The following NRXN3 variants were observed in gnomAD, a reference collection of about 807,000 sequenced individuals.
NRXN3 encodes the protein neurexin III.
A neutral mutation model predicts 137.6 loss-of-function variants in NRXN3; 32 were observed. The ratio of observed to expected loss-of-function variants is 0.23; its 90% CI spans 0.18 to 0.31. NRXN3 has a LOEUF of 0.31. NRXN3 is among the 10% of genes least tolerant of loss of function. The probability of loss-of-function intolerance (pLI) is 1.00; values close to 1 mark genes in which losing one functional copy is unlikely to be tolerated. For synonymous variants in NRXN3, 798 were observed against 784.5 expected, an observed-to-expected ratio of 1.02 and a Z score of -0.29; for missense variants, 1,574 against 2,062.5, an observed-to-expected ratio of 0.76 and a Z score of 4.59.
intron 20 of NRXN3, among the ~76,000 whole-genome samples, chr14:79,827,125 G>A (rs1038678029): frequency 1.3e-5 from 2 of 152,114 alleles, no homozygotes; most frequent in African/African-American, 2.4e-5. Flanking sequence ...GCCTAGTGGG[G>A]GACACTGTCA....
intron 15 of NRXN3, among the ~76,000 whole-genome samples, chr14:79,124,308 C>G (rs1261240484): frequency 6.6e-6 from 1 of 152,146 alleles, no homozygotes; most frequent in Non-Finnish European, 1.5e-5. Flanking sequence ...CTGGCAAGGT[C>G]AGTAAGGGAG....
intron 15 of NRXN3, among the ~76,000 whole-genome samples, chr14:79,185,730 GC>G (rs1390380222): frequency 2.0e-5 from 3 of 152,268 alleles, no homozygotes; most frequent in African/African-American, 7.2e-5. Context: ...CTCCCAAAAT[GC>G]TGGGATTACA....
intron 15 of NRXN3, among the ~76,000 whole-genome samples, chr14:79,381,902 C>T (rs532382499): frequency 6.6e-6 from 1 of 152,194 alleles, no homozygotes; most frequent in East Asian, 1.9e-4. Flanking sequence ...ACTTATGTGC[C>T]CATATTTCAT....
At chr14:78,473,145 G>A (rs930411767) in intron 4 of NRXN3, among the ~76,000 whole-genome samples, 2 of 152,088 alleles carry the variant, frequency 1.3e-5, no homozygotes, top group Non-Finnish European at 2.9e-5. Context: ...GCTCAAGCCT[G>A]TAATCCCAGC....
At chr14:79,257,176 G>A (rs903981583) in intron 15 of NRXN3, among the ~76,000 whole-genome samples, 4 of 152,042 alleles carry the variant, frequency 2.6e-5, no homozygotes, top group Non-Finnish European at 5.9e-5. Flanking sequence ...GGGAGGGCGA[G>A]GGGGAGGTGT....
chr14:79,094,916 C>T (rs2049947605), intron 15 of NRXN3, among the ~76,000 whole-genome samples: 1 of 149,122 alleles, frequency 6.7e-6, no homozygotes, highest in South Asian at 2.1e-4. Context: ...ACAAGAAATT[C>T]CTGCTCATAC....
At chr14:79,109,792 G>C (rs923324379) in intron 15 of NRXN3, among the ~76,000 whole-genome samples, 4 of 152,128 alleles carry the variant, frequency 2.6e-5, no homozygotes, top group Non-Finnish European at 5.9e-5. Context: ...AGTATCGTTT[G>C]TCATGCAAGG....
At chr14:79,496,228 C>G (rs925903399) in intron 16 of NRXN3, among the ~76,000 whole-genome samples, 1 of 144,460 alleles carries the variant, frequency 6.9e-6, no homozygotes, top group Non-Finnish European at 1.5e-5. Flanking sequence ...CTCTCTCTCT[C>G]TCTCTCTCTC....
chr14:79,209,162 T>A (rs2067260277), intron 15 of NRXN3, among the ~76,000 whole-genome samples: 1 of 152,078 alleles, frequency 6.6e-6, no homozygotes, highest in Non-Finnish European at 1.5e-5. Context: ...ATGGTCTGGA[T>A]CTCCTGACCT....
chr14:79,799,394 G>GT (rs903702168), intron 19 of NRXN3, among the ~76,000 whole-genome samples: 14 of 152,296 alleles, frequency 9.2e-5, no homozygotes, highest in African/African-American at 3.4e-4. Context: ...CATGCACTAT[G>GT]TTCTATAAAC....
intron 16 of NRXN3, among the ~76,000 whole-genome samples, chr14:79,557,923 G>T (rs1395869191): frequency 6.6e-6 from 1 of 152,080 alleles, no homozygotes; most frequent in Non-Finnish European, 1.5e-5. Flanking sequence ...AAACCCAGCT[G>T]CTCCCTTATC....
At chr14:78,785,085 C>G (rs1013167116) in intron 8 of NRXN3, among the ~76,000 whole-genome samples, 1 of 151,990 alleles carries the variant, frequency 6.6e-6, no homozygotes, top group Non-Finnish European at 1.5e-5. Context: ...TCTAGTCCAA[C>G]TATAAGAGAA....
intron 2 of NRXN3, among the ~76,000 whole-genome samples, chr14:78,257,105 G>T (rs1411916188): frequency 6.6e-6 from 1 of 152,206 alleles, no homozygotes; most frequent in Admixed American, 6.5e-5. Context: ...TTCTTCAGAG[G>T]CCTCACTCTG....
intron 16 of NRXN3, 109 bp downstream of exon 16, chr14:79,467,511 G>T: frequency 2.0e-6 from 2 of 991,512 alleles, no homozygotes; most frequent in South Asian, 2.3e-5. Context: ...AGGTGCACAT[G>T]CTTATAAAAA....
chr14:78,702,451 C>CTTTTTTTTTTTTTT (rs151197180), intron 6 of NRXN3, among the ~76,000 whole-genome samples: 1 of 122,702 alleles, frequency 8.1e-6, no homozygotes, highest in Non-Finnish European at 1.7e-5. Flanking sequence ...TTTTTCTTTT[C>CTTTTTTTTTTTTTT]TTATTTTTTT....
chr14:79,301,705 AGT>A (rs969927726), intron 15 of NRXN3, among the ~76,000 whole-genome samples: 1 of 151,558 alleles, frequency 6.6e-6, no homozygotes, highest in Non-Finnish European at 1.5e-5. Flanking sequence ...TTAATATCCA[AGT>A]GTGTGTGTGT....
At chr14:78,494,424 TTG>T (rs1231535279) in intron 4 of NRXN3, among the ~76,000 whole-genome samples, 4 of 145,862 alleles carry the variant, frequency 2.7e-5, no homozygotes, top group African/African-American at 1.1e-4. Context: ...CAGAGGTGTT[TTG>T]TTTTTTTTTT....
intron 19 of NRXN3, among the ~76,000 whole-genome samples, chr14:79,769,034 T>C (rs1273613039): frequency 6.6e-6 from 1 of 151,532 alleles, no homozygotes; most frequent in African/African-American, 2.4e-5. Flanking sequence ...CAATGGAAGA[T>C]GAAATGAATG....
In NRXN3 at chr14:79,864,579, C is replaced by G. The variant is rs1295460902; in HGVS notation, c.*2615C>G. The G allele has an allele frequency of 1.3e-5, 2 of 151,870 alleles. No individual in the cohort carries two copies. The highest frequency in any genetic ancestry group is 2.9e-5 in the Non-Finnish European group (2 of 67,888). 9.4% of individuals were successfully genotyped at this position (151,870 alleles called of 1,614,324 possible). On this transcript the variant is annotated 3_prime_UTR_variant, in exon 21 of 21. Coordinates refer to ENST00000335750, the MANE Select transcript of NRXN3 (RefSeq NM_001330195.2). ...ACTAATTATTACATTATCAAAATGC[C>G]ATATTTATGAGATAATTATCTGTTA... is the stretch of plus-strand genomic sequence containing the variant.
Sources: allele counts gnomAD v4.1 joint callset (sites outside exome capture counted in the v4.1 genomes callset), GRCh38; gene constraint gnomAD v4.1.1; transcripts MANE v1.5; gene names NCBI Gene and HGNC (gene_info 2026-07-23, HGNC 2026-07-21).